Variants in SLC35A1 observed in about 807,000 individuals in gnomAD.
SLC35A1 encodes the protein CMP-sialic acid transporter.
Under a neutral mutation model 40.3 loss-of-function variants are expected in SLC35A1, and 21 were observed. The observed-to-expected ratio is 0.52, with a 90% CI of 0.37 to 0.75. The LOEUF (loss-of-function observed/expected upper bound fraction) is 0.75. Among genes scored for constraint, SLC35A1 ranks in the 30% least tolerant of loss-of-function variants. The pLI is 0.00. For synonymous variants in SLC35A1, 146 were observed against 147.3 expected, an observed-to-expected ratio of 0.99 and a Z score of 0.06; for missense variants, 297 against 382.1, an observed-to-expected ratio of 0.78 and a Z score of 1.86.
chr6:87,478,897 C>T (rs947637257), intron 2 of SLC35A1, among the ~76,000 whole-genome samples: 7 of 152,170 alleles, frequency 4.6e-5, no homozygotes, highest in African/African-American at 1.7e-4. Flanking sequence ...GAAAAGGGGA[C>T]TTATTCCTTA....
In SLC35A1 at chr6:87,500,593, C is replaced by T. The variant is rs1769887949; in HGVS notation, c.280C>T (p.Pro94Ser). 1 of 1,613,994 alleles carries T rather than the reference C, an allele frequency of 6.2e-7. No homozygotes were observed. Among genetic ancestry groups the T allele is most frequent in the Non-Finnish European group, 8.5e-7 (1 of 1,179,972 alleles). Residue 94 changes from proline (P) to serine (S), a missense_variant, in exon 3 of 8, where the codon CCA becomes TCA. Pro to Ser is a moderately conservative substitution (Grantham distance 74, BLOSUM62 -1). Coordinates refer to ENST00000369552, the MANE Select transcript of SLC35A1 (RefSeq NM_006416.5). The part of the protein sequence containing the change: ...SPKELLKLSV[P>S]SLVYAVQNNM... ...CAAGGAACTGTTGAAGTTAAGTGTG[C>T]CATCGTTAGTGTATGCTGTTCAGAA... is the stretch of plus-strand genomic sequence containing the variant.
chr6:87,483,494 C>A (rs569153620), intron 2 of SLC35A1, among the ~76,000 whole-genome samples: 2 of 152,048 alleles, frequency 1.3e-5, no homozygotes, highest in East Asian at 3.9e-4. Context: ...TTTTTCACCT[C>A]TTTTGAGGTT....
At chr6:87,489,677 G>T (rs1246054268) in intron 2 of SLC35A1, among the ~76,000 whole-genome samples, 1 of 151,626 alleles carries the variant, frequency 6.6e-6, no homozygotes, top group Admixed American at 6.6e-5. Flanking sequence ...GACTAGCTGG[G>T]ACTACAGGCA....
At chr6:87,498,692 C>T (rs536107663) in intron 2 of SLC35A1, among the ~76,000 whole-genome samples, 2 of 152,184 alleles carry the variant, frequency 1.3e-5, no homozygotes, top group South Asian at 2.1e-4. Context: ...AATCCATGAA[C>T]CTGGGAGATG....
intron 4 of SLC35A1, among the ~76,000 whole-genome samples, chr6:87,501,837 T>C (rs1769931704): frequency 6.6e-6 from 1 of 152,236 alleles, no homozygotes; most frequent in Non-Finnish European, 1.5e-5. Context: ...TAATTATCTT[T>C]AGTTTTTAAG....
intron 2 of SLC35A1, among the ~76,000 whole-genome samples, chr6:87,494,454 G>A (rs1174386607): frequency 8.4e-5 from 12 of 143,586 alleles, no homozygotes; most frequent in African/African-American, 1.8e-4. Context: ...ACAGAGTCTC[G>A]CTCTGTTGCC....
At chr6:87,504,330 T>TA (rs534994096) in intron 4 of SLC35A1, among the ~76,000 whole-genome samples, 289 of 152,250 alleles carry the variant, frequency 1.9e-3, no homozygotes, top group Non-Finnish European at 3.7e-3. Flanking sequence ...AGCCTCCACT[T>TA]ATTCTGAGTT....
chr6:87,480,855 T>C (rs1399269458), intron 2 of SLC35A1, among the ~76,000 whole-genome samples: 1 of 152,146 alleles, frequency 6.6e-6, no homozygotes, highest in Non-Finnish European at 1.5e-5. Context: ...TGGTGCTTGC[T>C]TGACTCGGGT....
chr6:87,503,947 C>G (rs564199528), intron 4 of SLC35A1, among the ~76,000 whole-genome samples: 1 of 152,160 alleles, frequency 6.6e-6, no homozygotes, highest in African/African-American at 2.4e-5. Flanking sequence ...ACAATAACAG[C>G]TGCAATCATT....
chr6:87,504,613 C>G (rs1384517699), intron 4 of SLC35A1, among the ~76,000 whole-genome samples: 3 of 152,222 alleles, frequency 2.0e-5, no homozygotes, highest in Admixed American at 6.5e-5. Flanking sequence ...GCACATGTCT[C>G]TTAACTGTGC....
In SLC35A1 at chr6:87,511,968, A is replaced by AT. The variant is rs765597472; in HGVS notation, c.*446dup. ...CCTTATTCTCCAATTCATGTACAGT[A>AT]TTTTGTCCTAGCAGCATAAAGACCT... On this transcript the variant is annotated 3_prime_UTR_variant, in exon 8 of 8. Transcript: ENST00000369552. 22 of 214,262 alleles carry AT rather than the reference A, an allele frequency of 1.0e-4. No individual in the cohort carries two copies. Among genetic ancestry groups the AT allele is most frequent in the Non-Finnish European group, 1.8e-4 (19 of 104,992 alleles). 13.3% of individuals were successfully genotyped at this position (214,262 alleles called of 1,614,324 possible).
rs1770132966 is a variant in SLC35A1 at position 87,507,790 on chromosome 6, A to T, written c.575-630A>T. ...TGTACTCCTTTGAAGTATCTGAAAA[A>T]ATCTATGGACCTTCAACTCCAGAAA... On this transcript the variant is annotated intron_variant, in intron 5 of 7. Transcript: ENST00000369552. Among the ~76,000 whole-genome samples the T allele has an allele frequency of 2.6e-5, 4 of 152,100 alleles. No individual in the cohort carries two copies. The South Asian group carries it at 8.3e-4, about 32-fold the overall frequency.
chr6:87,496,532 A>G (rs987944459), intron 2 of SLC35A1, among the ~76,000 whole-genome samples: 5 of 152,114 alleles, frequency 3.3e-5, no homozygotes, highest in Admixed American at 1.3e-4. Flanking sequence ...GTAATCCAGC[A>G]CTTTGGGAGG....
intron 2 of SLC35A1, among the ~76,000 whole-genome samples, chr6:87,498,038 A>G (rs1240104003): frequency 1.3e-5 from 2 of 151,994 alleles, no homozygotes; most frequent in African/African-American, 4.8e-5. Flanking sequence ...AGGCTATAAT[A>G]TATTTAACAG....
intron 1 of SLC35A1, among the ~76,000 whole-genome samples, chr6:87,473,324 C>T (rs921684555): frequency 6.6e-6 from 1 of 152,176 alleles, no homozygotes; most frequent in African/African-American, 2.4e-5. Flanking sequence ...GCGGCGGACC[C>T]GGAGAGAGGC....
chr6:87,477,353 A>C lies in SLC35A1; in HGVS notation c.17-9A>C. On this transcript the variant is annotated splice_polypyrimidine_tract_variant and intron_variant, in intron 1 of 7. Coordinates refer to ENST00000369552, the MANE Select transcript of SLC35A1 (RefSeq NM_006416.5). Reference sequence around the variant, plus strand: ...ACTAAGTAATGTCTTTGTTGCACGTATTTTCCAGACAATGTCACTTTATTA... The same window carrying C: ...ACTAAGTAATGTCTTTGTTGCACGTCTTTTCCAGACAATGTCACTTTATTA... The C allele has an allele frequency of 6.2e-7, 1 of 1,610,526 alleles. No homozygotes were observed. The highest frequency in any genetic ancestry group is 8.5e-7 in the Non-Finnish European group (1 of 1,178,882).
In SLC35A1 at chr6:87,473,002, C is replaced by A. The variant is rs1179640714; in HGVS notation, c.-2C>A. ...AGTTCCGCGGGGGGCTGTCGGGGAACCATGGCTGCCCCGAGAGGTGAGAAC... is the reference window on the plus strand; with the variant it reads ...AGTTCCGCGGGGGGCTGTCGGGGAAACATGGCTGCCCCGAGAGGTGAGAAC... On this transcript the variant is annotated 5_prime_UTR_variant, in exon 1 of 8. Coordinates refer to ENST00000369552, the MANE Select transcript of SLC35A1 (RefSeq NM_006416.5). 11 of 681,940 alleles carry A rather than the reference C, an allele frequency of 1.6e-5. No individual in the cohort carries two copies. The highest frequency in any genetic ancestry group is 1.8e-5 in the Non-Finnish European group (8 of 450,648). The allele number at this position is 681,940 out of a possible 1,614,324, so 42.2% of individuals were successfully genotyped here. A position where few individuals can be genotyped will look rare whatever the true frequency, so the allele number is the denominator to read the frequency against.
intron 5 of SLC35A1, 29 bp downstream of exon 5, chr6:87,506,477 T>A (rs144839813): frequency 4.3e-5 from 69 of 1,596,180 alleles, no homozygotes; most frequent in Admixed American, 2.2e-4. Flanking sequence ...GTTTTATTCT[T>A]TTGTCATATT....
chr6:87,480,294 T>C (rs1156599359), intron 2 of SLC35A1, among the ~76,000 whole-genome samples: 1 of 152,216 alleles, frequency 6.6e-6, no homozygotes, highest in Non-Finnish European at 1.5e-5. Flanking sequence ...CACAATTTGT[T>C]ATTCCAGGCA....
Sources: gnomAD v4.1 joint callset for allele counts (sites outside exome capture counted in the v4.1 genomes callset) on GRCh38, gnomAD v4.1.1 for gene constraint, MANE v1.5 for transcripts, NCBI Gene and HGNC (gene_info 2026-07-23, HGNC 2026-07-21) for gene names.